The following SLC6A3 variants were observed in gnomAD, a reference collection of about 807,000 sequenced individuals.
The protein encoded by SLC6A3 is solute carrier family 6 member 3.
SLC6A3 carries 19 observed loss-of-function variants against 70.4 expected under a neutral mutation model. That is an observed-to-expected ratio of 0.27 (90% CI 0.19 to 0.40). SLC6A3 has a LOEUF of 0.40. Ranked by LOEUF, SLC6A3 falls within the 10% of genes least tolerant of loss-of-function variation. The probability of loss-of-function intolerance (pLI) is 1.00; values close to 1 mark genes in which losing one functional copy is unlikely to be tolerated. For synonymous variants in SLC6A3, 368 were observed against 356.6 expected (o/e 1.03, Z -0.36); for missense variants, 613 against 838.5 (o/e 0.73, Z 3.32).
At chr5:1,414,546 A>G in intron 8 of SLC6A3, 145 bp downstream of exon 8, 1 of 764,586 alleles carries the variant, frequency 1.3e-6, no homozygotes, top group East Asian at 4.2e-5. Context: ...GTGTACCACC[A>G]TCCTTCAAGA....
chr5:1,409,421 CATAG>C (rs1756060882), intron 10 of SLC6A3, among the ~76,000 whole-genome samples: 1 of 152,188 alleles, frequency 6.6e-6, no homozygotes, highest in Admixed American at 6.5e-5. Context: ...CCCCCTCCCA[CATAG>C]ATAGGCTCTG....
chr5:1,408,007 T>TG lies in SLC6A3; in HGVS notation c.1498+1018_1498+1019insC, dbSNP rs1444874952. 6.6e-6 allele frequency among the ~76,000 whole-genome samples: 1 copy of TG among 152,078 alleles called. No homozygotes were observed. The highest frequency in any genetic ancestry group is 2.4e-5 in the African/African-American group (1 of 41,404). ...TTTCAGCCGGATCCACACATTTTTT[T>TG]TTTTCTTTTTTGAGACGGAGTCTCA... On this transcript the variant is annotated intron_variant, in intron 11 of 14. Transcript: ENST00000270349. The surrounding 1 kb of genome is among the most constrained non-coding windows in gnomAD (Gnocchi z 6.4).
rs57510492 is a variant in SLC6A3, at chr5:1,397,431, AAAACAAAC to A, written c.1840-2681_1840-2674del. Among the ~76,000 whole-genome samples, 12 of 151,886 alleles carry A rather than the reference AAAACAAAC, an allele frequency of 7.9e-5. No individual in the cohort carries two copies. The highest frequency in any genetic ancestry group is 1.9e-4 in the East Asian group (1 of 5,174). The stretch of plus-strand genomic sequence containing the variant: ...GGGCTACAGAGCGAGACTCCGTCTC[AAAACAAAC>A]AAACAAACAAACAAACAAACAAAAA... On this transcript the variant is annotated intron_variant, in intron 14 of 14. Transcript: ENST00000270349. The surrounding 1 kb of genome is among the most constrained non-coding windows in gnomAD (Gnocchi z 4.7).
chr5:1,442,659 A>C lies in SLC6A3; in HGVS notation c.286+253T>G, dbSNP rs935384650. On this transcript the variant is annotated intron_variant, in intron 2 of 14. Transcript: ENST00000270349. This position sits in a 1 kb window ranked among gnomAD's most constrained non-coding sequence, Gnocchi z 5.0. ...CAAGCTGCCCCGTCTGCCGCCCCCC[A>C]CCCCCCAGCTTCTTCGCGGGCCTCC... 1.8e-4 allele frequency among the ~76,000 whole-genome samples: 25 copies of C among 141,580 alleles called. No homozygotes were observed. The highest frequency in any genetic ancestry group is 2.9e-4 in the African/African-American group (11 of 37,798). The allele number at this position is 141,580 out of a possible 152,430, so 92.9% of individuals were successfully genotyped here.
intron 7 of SLC6A3, among the ~76,000 whole-genome samples, chr5:1,415,193 G>C (rs146582371): frequency 6.6e-6 from 1 of 152,090 alleles, no homozygotes; most frequent in African/African-American, 2.4e-5. Context: ...ATGGGGTCTC[G>C]GGGGCTGTGT....
chr5:1,442,852 C>T lies in SLC6A3; in HGVS notation c.286+60G>A, dbSNP rs943982802. 19 of 1,572,270 alleles carry T rather than the reference C, an allele frequency of 1.2e-5. No homozygotes were observed. In the Admixed American group the frequency reaches 1.7e-4, roughly 14 times the overall value. On this transcript the variant is annotated intron_variant, in intron 2 of 14. Coordinates refer to ENST00000270349, the MANE Select transcript of SLC6A3 (RefSeq NM_001044.5). The surrounding 1 kb of genome is among the most constrained non-coding windows in gnomAD (Gnocchi z 5.0). ...CTCGTTTCCGTACGTGCCTTGGCCC[C>T]GGCTGCCCCTACGACCCCCGCCCGG... is the stretch of plus-strand genomic sequence containing the variant.
At position 1,406,357 on chromosome 5, in the gene SLC6A3, G is replaced by A; in HGVS notation, c.1499-69C>T. On this transcript the variant is annotated intron_variant, in intron 11 of 14. Transcript: ENST00000270349. This position sits in a 1 kb window ranked among gnomAD's most constrained non-coding sequence, Gnocchi z 8.8. ...TTCCCCCGATGCTGGACACGTGTGGGGGTCCTCGCTGACTCCCAAGGGCCC... is the reference window on the plus strand; with the variant it reads ...TTCCCCCGATGCTGGACACGTGTGGAGGTCCTCGCTGACTCCCAAGGGCCC... The A allele has an allele frequency of 7.4e-7, 1 of 1,347,846 alleles. No individual in the cohort carries two copies. The highest frequency in any genetic ancestry group is 1.1e-6 in the Non-Finnish European group (1 of 938,630). The allele number at this position is 1,347,846 out of a possible 1,614,324, so 83.5% of individuals were successfully genotyped here.
chr5:1,403,184 C>T (rs1197651817), intron 12 of SLC6A3, 95 bp from the exon 13 acceptor site: 1 of 1,395,752 alleles, frequency 7.2e-7, no homozygotes, highest in Non-Finnish European at 9.9e-7. Context: ...GAGCGTCTCT[C>T]AGCCCCCACA....
At chr5:1,420,529 G>A in intron 6 of SLC6A3, 40 bp downstream of exon 6, 2 of 1,611,344 alleles carry the variant, frequency 1.2e-6, no homozygotes, top group South Asian at 1.1e-5. Flanking sequence ...GAATGCCAGA[G>A]CCCCTGTGGA....
At chr5:1,432,119 T>C (rs1756719228) in intron 4 of SLC6A3, among the ~76,000 whole-genome samples, 1 of 152,148 alleles carries the variant, frequency 6.6e-6, no homozygotes, top group Non-Finnish European at 1.5e-5. Context: ...GAGGCGCCAC[T>C]GCAGCTCCCA....
rs1224392328 is a variant in SLC6A3, at chr5:1,411,934, G to T, written c.1157-579C>A. ...CACACACAGACACATGCGCGCACAT[G>T]CACGAACACTCATTTGTGCATTCAA... On this transcript the variant is annotated intron_variant, in intron 8 of 14. Transcript: ENST00000270349. The surrounding 1 kb of genome is among the most constrained non-coding windows in gnomAD (Gnocchi z 6.5). Among the ~76,000 whole-genome samples, 2 of 151,614 alleles carry T rather than the reference G, an allele frequency of 1.3e-5. No homozygotes were observed. Among genetic ancestry groups the T allele is most frequent in the Non-Finnish European group, 2.9e-5 (2 of 67,954 alleles).
At chr5:1,444,281 G>T (rs1267593055) in intron 1 of SLC6A3, among the ~76,000 whole-genome samples, 3 of 152,204 alleles carry the variant, frequency 2.0e-5, no homozygotes, top group Admixed American at 6.5e-5. Flanking sequence ...GAGCAGGAGC[G>T]TCTACACCGC....
At chr5:1,409,670 C>T (rs1023128329) in intron 10 of SLC6A3, 51 bp downstream of exon 10, 7 of 1,609,872 alleles carry the variant, frequency 4.3e-6, no homozygotes, top group South Asian at 1.1e-5. Context: ...CCCCGTGCCA[C>T]GTGCTAAGGA....
Position 1,393,038 on chromosome 5 carries a change from A to T in SLC6A3, c.*1697T>A, listed in dbSNP as rs1755613390. The T allele has an allele frequency of 6.6e-6, 1 of 150,848 alleles. No homozygotes were observed. The highest frequency in any genetic ancestry group is 2.1e-4 in the South Asian group (1 of 4,744). The allele number at this position is 150,848 out of a possible 1,614,324, so 9.3% of individuals were successfully genotyped here. On this transcript the variant is annotated 3_prime_UTR_variant, in exon 15 of 15. Transcript: ENST00000270349. ...TGCTGACTGCAGCGGCCAGAAGGCG[A>T]TGGGGAAGCCGTCCTCTGTGTCCCT...
At position 1,394,450 on chromosome 5, in the gene SLC6A3, A is replaced by T; in HGVS notation, c.*285T>A. ...AGGGAGGGAGCCTCACACAGACAGC[A>T]TGAAGTTAGACGTTTTTCTGCCCTG... On this transcript the variant is annotated 3_prime_UTR_variant, in exon 15 of 15. Coordinates refer to ENST00000270349, the MANE Select transcript of SLC6A3 (RefSeq NM_001044.5). The surrounding 1 kb of genome is among the most constrained non-coding windows in gnomAD (Gnocchi z 4.7). 1.8e-6 allele frequency: 1 copy of T among 569,212 alleles called. No individual in the cohort carries two copies. Among genetic ancestry groups the T allele is most frequent in the South Asian group, 2.0e-5 (1 of 48,840 alleles). 35.3% of individuals were successfully genotyped at this position (569,212 alleles called of 1,614,324 possible).
At chr5:1,418,936 TCATC>T (rs534519642) in intron 6 of SLC6A3, among the ~76,000 whole-genome samples, 13 of 147,148 alleles carry the variant, frequency 8.8e-5, no homozygotes, top group South Asian at 6.6e-4. Flanking sequence ...CATCCATTCA[TCATC>T]CATCCATCCA....
chr5:1,394,651 TTCTC>T lies in SLC6A3; in HGVS notation c.*80_*83del, dbSNP rs1406579523. On this transcript the variant is annotated 3_prime_UTR_variant, in exon 15 of 15. Coordinates refer to ENST00000270349, the MANE Select transcript of SLC6A3 (RefSeq NM_001044.5). This position sits in a 1 kb window ranked among gnomAD's most constrained non-coding sequence, Gnocchi z 4.7. ...GTTGAAGAGTAGAAGTTGCCCTCCT[TTCTC>T]TCGAAACTTAGATTTCCTTGGTTTG... 3 of 1,405,496 alleles carry T rather than the reference TTCTC, an allele frequency of 2.1e-6. No homozygotes were observed. In the African/African-American group the frequency reaches 4.2e-5, roughly 20 times the overall value. The allele number at this position is 1,405,496 out of a possible 1,614,324, so 87.1% of individuals were successfully genotyped here.
At position 1,443,070 on chromosome 5, in the gene SLC6A3, G is replaced by T. The variant is rs1469151924; in HGVS notation, c.128C>A (p.Thr43Asn). 6.2e-7 allele frequency: 1 copy of T among 1,614,108 alleles called. No individual in the cohort carries two copies. The highest frequency in any genetic ancestry group is 8.5e-7 in the Non-Finnish European group (1 of 1,180,052). The change falls in exon 2 of 15, where the codon ACC becomes AAC. Residue 43 changes from threonine to asparagine, a missense_variant. Coordinates refer to ENST00000270349, the MANE Select transcript of SLC6A3 (RefSeq NM_001044.5). The stretch of plus-strand genomic sequence containing the variant: ...CCGCGGGTTGGTGAGGGTGGAGCTG[G>T]TGAGCTGCACTCCGTTCTGCTCCTT... ...LVKEQNGVQL[T>N]SSTLTNPRQS...
chr5:1,441,044 T>C (rs1733646422), intron 3 of SLC6A3, among the ~76,000 whole-genome samples: 1 of 152,226 alleles, frequency 6.6e-6, no homozygotes, highest in African/African-American at 2.4e-5. Context: ...GATTGACGGA[T>C]GGACCGATGG....
Sources: gnomAD v4.1 joint callset for allele counts (sites outside exome capture counted in the v4.1 genomes callset) on GRCh38, gnomAD v4.1.1 for gene constraint, Gnocchi (gnomAD v3.1) non-coding constraint, MANE v1.5 for transcripts, NCBI Gene and HGNC (gene_info 2026-07-23, HGNC 2026-07-21) for gene names.